Variants in AFG2A observed in about 807,000 individuals in gnomAD.
The protein encoded by AFG2A is ATPase family gene 2 protein homolog A.
the AFG2A span, among the ~76,000 whole-genome samples, chr4:123,181,406 G>C: frequency 6.6e-6 from 1 of 152,028 alleles, no homozygotes; most frequent in Non-Finnish European, 1.5e-5. Flanking sequence ...GATCCCAGGA[G>C]CTCAAGACCA....
At chr4:123,295,631 G>A in the AFG2A span, among the ~76,000 whole-genome samples, 1 of 152,270 alleles carries the variant, frequency 6.6e-6, no homozygotes, top group Non-Finnish European at 1.5e-5. Context: ...GCCAAGGCGG[G>A]CAGATCATTT....
the AFG2A span, among the ~76,000 whole-genome samples, chr4:123,229,964 T>A: frequency 6.6e-6 from 1 of 151,578 alleles, no homozygotes; most frequent in East Asian, 1.9e-4. Context: ...AAAAAAACAA[T>A]TTTTTTTATT....
At chr4:123,274,471 G>T in the AFG2A span, among the ~76,000 whole-genome samples, 931 of 151,558 alleles carry the variant, frequency 6.1e-3, 14 homozygotes, top group East Asian at 0.044. Flanking sequence ...TCCCAAGCTA[G>T]AGATAAAGAG....
chr4:123,020,575 G>C, the AFG2A span, among the ~76,000 whole-genome samples: 1 of 151,866 alleles, frequency 6.6e-6, no homozygotes, highest in African/African-American at 2.4e-5. Context: ...CACCACGTTG[G>C]CCAGGCTGGT....
chr4:123,286,232 A>G, the AFG2A span, among the ~76,000 whole-genome samples: 310 of 152,294 alleles, frequency 2.0e-3, 2 homozygotes, highest in Admixed American at 9.1e-3. Context: ...GTCTCTTCAT[A>G]TTTTAATCAA....
chr4:123,044,124 T>G, the AFG2A span, among the ~76,000 whole-genome samples: 1 of 150,980 alleles, frequency 6.6e-6, no homozygotes, highest in African/African-American at 2.4e-5. Context: ...CCCACTTGTT[T>G]ACAGTTTTGA....
chr4:123,126,705 G>A, the AFG2A span, among the ~76,000 whole-genome samples: 1 of 152,096 alleles, frequency 6.6e-6, no homozygotes, highest in Non-Finnish European at 1.5e-5. Flanking sequence ...ATGTGAAGAA[G>A]GATGTGTTTG....
chr4:122,929,163 G>A, the AFG2A span: 2 of 1,610,560 alleles, frequency 1.2e-6, no homozygotes, highest in Non-Finnish European at 1.7e-6. Context: ...TGTGGGTGCT[G>A]TGCTACAGGC....
At chr4:123,127,195 C>T in the AFG2A span, among the ~76,000 whole-genome samples, 3,326 of 152,262 alleles carry the variant, frequency 0.022, 67 homozygotes, top group Non-Finnish European at 0.035. Context: ...CAGGGTGAGA[C>T]TCTTGTCTCT....
the AFG2A span, among the ~76,000 whole-genome samples, chr4:123,176,790 G>A: frequency 4.0e-5 from 6 of 150,954 alleles, no homozygotes; most frequent in African/African-American, 1.2e-4. Context: ...GAAAGAGTGG[G>A]AGAGGACCTG....
At chr4:123,132,597 C>T in the AFG2A span, among the ~76,000 whole-genome samples, 4 of 140,412 alleles carry the variant, frequency 2.8e-5, no homozygotes, top group African/African-American at 7.9e-5. Flanking sequence ...GATGTGTGTA[C>T]ATATATATAT....
the AFG2A span, among the ~76,000 whole-genome samples, chr4:123,033,800 A>AT: frequency 1.3e-5 from 2 of 152,142 alleles, no homozygotes; most frequent in African/African-American, 4.8e-5. Flanking sequence ...TGTAAGTCTC[A>AT]TTTTTTTCAT....
At chr4:123,081,711 G>C in the AFG2A span, among the ~76,000 whole-genome samples, 126,767 of 152,078 alleles carry the variant, frequency 0.83, 53,988 homozygotes, top group East Asian at 0.98. Context: ...TTTATTTTTG[G>C]AACTTCCAAA....
the AFG2A span, among the ~76,000 whole-genome samples, chr4:122,975,253 G>A: frequency 1.3e-5 from 2 of 151,852 alleles, no homozygotes; most frequent in African/African-American, 2.4e-5. Context: ...GGAGAGGAAC[G>A]TTGTGTCCTC....
At chr4:123,021,562 A>G in the AFG2A span, among the ~76,000 whole-genome samples, 1 of 152,202 alleles carries the variant, frequency 6.6e-6, no homozygotes, top group African/African-American at 2.4e-5. Flanking sequence ...TGTTTCATTT[A>G]CATTTTAGAG....
the AFG2A span, among the ~76,000 whole-genome samples, chr4:123,224,552 A>T: frequency 6.6e-6 from 1 of 152,174 alleles, no homozygotes; most frequent in Non-Finnish European, 1.5e-5. Context: ...ATCATTTTTT[A>T]TGGCTACATA....
chr4:123,154,075 T>C, the AFG2A span, among the ~76,000 whole-genome samples: 2 of 152,250 alleles, frequency 1.3e-5, no homozygotes, highest in African/African-American at 4.8e-5. Flanking sequence ...GTTAGCCAAC[T>C]TGAACAACAC....
At chr4:123,036,351 C>T in the AFG2A span, among the ~76,000 whole-genome samples, 1 of 152,098 alleles carries the variant, frequency 6.6e-6, no homozygotes, top group Non-Finnish European at 1.5e-5. Context: ...AGTATCCTAA[C>T]TCCAGGGAGA....
the AFG2A span, among the ~76,000 whole-genome samples, chr4:123,184,448 A>G: frequency 1.3e-5 from 2 of 151,642 alleles, no homozygotes; most frequent in Admixed American, 6.6e-5. Flanking sequence ...TCTTTTGCCC[A>G]ATGTTTTGGA....
Sources: allele counts gnomAD v4.1 joint callset (sites outside exome capture counted in the v4.1 genomes callset), GRCh38; gene constraint gnomAD v4.1.1; transcripts MANE v1.5; gene names NCBI Gene and HGNC (gene_info 2026-07-23, HGNC 2026-07-21).